PDS5A: variants seen among roughly 807,000 people sequenced by gnomAD.
PDS5A encodes PDS5 cohesin associated factor A, also known as sister chromatid cohesion protein PDS5 homolog A.
In PDS5A, 42 loss-of-function variants were observed where a neutral mutation model predicts 167.1. The observed-to-expected ratio is 0.25, with a 90% CI of 0.20 to 0.33. PDS5A has a LOEUF of 0.33. Among genes scored for constraint, PDS5A ranks in the 10% least tolerant of loss-of-function variants. The pLI is 1.00. For synonymous variants in PDS5A, 553 were observed against 554.6 expected (o/e 1.00, Z 0.04); for missense variants, 1,033 against 1,605.9 (o/e 0.64, Z 6.10).
At chr4:39,879,324 T>TTTC (rs1720745060) in intron 18 of PDS5A, among the ~76,000 whole-genome samples, 1 of 152,068 alleles carries the variant, frequency 6.6e-6, no homozygotes, top group Non-Finnish European at 1.5e-5. Flanking sequence ...GCACCCCTTT[T>TTTC]TTCTAGTCAT....
At chr4:39,853,174 CAAAT>C (rs1475289015) in intron 26 of PDS5A, among the ~76,000 whole-genome samples, 1 of 152,152 alleles carries the variant, frequency 6.6e-6, no homozygotes, top group Non-Finnish European at 1.5e-5. Context: ...ATCCTGGACT[CAAAT>C]AATCCTCTTG....
intron 2 of PDS5A, among the ~76,000 whole-genome samples, chr4:39,949,427 A>T (rs752361051): frequency 2.6e-5 from 4 of 152,134 alleles, no homozygotes; most frequent in South Asian, 2.1e-4. Context: ...AGATCGGGGA[A>T]ATGTACATAG....
At chr4:39,910,396 C>A in intron 9 of PDS5A, 58 bp from the exon 10 acceptor site, 1 of 841,836 alleles carries the variant, frequency 1.2e-6, no homozygotes, top group Non-Finnish European at 2.0e-6. Context: ...ACTCTCAAAT[C>A]AGGTATATCT....
intron 2 of PDS5A, among the ~76,000 whole-genome samples, chr4:39,953,426 T>G (rs1728606584): frequency 6.6e-6 from 1 of 151,856 alleles, no homozygotes; most frequent in Non-Finnish European, 1.5e-5. Flanking sequence ...GAATCAGTTT[T>G]TTTTTTTTTT....
chr4:39,930,246 A>AAAAATTT, intron 2 of PDS5A, among the ~76,000 whole-genome samples: 2 of 93,088 alleles, frequency 2.1e-5, no homozygotes, highest in Non-Finnish European at 4.5e-5. Flanking sequence ...AAAAAAAAAA[A>AAAAATTT]GTTTTTTTGT....
chr4:39,907,945 A>G (rs536006383), intron 11 of PDS5A, among the ~76,000 whole-genome samples: 1 of 152,284 alleles, frequency 6.6e-6, no homozygotes, highest in African/African-American at 2.4e-5. Context: ...TAAACATATA[A>G]CCATCATTAT....
At chr4:39,866,817 A>G (rs1345690491) in intron 23 of PDS5A, 44 bp downstream of exon 23, 1 of 1,575,380 alleles carries the variant, frequency 6.3e-7, no homozygotes. Flanking sequence ...AAATTCCACC[A>G]AAATTTCAGC....
At chr4:39,945,062 A>G (rs75437685) in intron 2 of PDS5A, among the ~76,000 whole-genome samples, 11,750 of 152,246 alleles carry the variant, frequency 0.077, 514 homozygotes, top group Middle Eastern at 0.18. Context: ...TGAATACACT[A>G]TTAACTTATG....
At chr4:39,927,829 T>C in intron 3 of PDS5A, 132 bp downstream of exon 3, 2 of 660,810 alleles carry the variant, frequency 3.0e-6, no homozygotes, top group South Asian at 2.1e-5. Flanking sequence ...ATTTTGCAAC[T>C]TACAATATAT....
chr4:39,854,891 T>C (rs1423323028), intron 26 of PDS5A, among the ~76,000 whole-genome samples: 19 of 152,132 alleles, frequency 1.2e-4, no homozygotes, highest in Admixed American at 1.2e-3. Flanking sequence ...TTTTAGGGGG[T>C]ATAATTACGA....
At chr4:39,847,874 G>A (rs1176887808) in intron 28 of PDS5A, 2 of 152,174 alleles carry the variant, frequency 1.3e-5, no homozygotes, top group Admixed American at 6.5e-5. Flanking sequence ...ATGGGTCTGC[G>A]GCCTGTTAGG....
intron 18 of PDS5A, among the ~76,000 whole-genome samples, chr4:39,877,974 T>C (rs1010537984): frequency 7.2e-5 from 11 of 152,214 alleles, no homozygotes; most frequent in African/African-American, 2.7e-4. Context: ...TTAATTATGA[T>C]TACAATATAT....
chr4:39,929,569 C>T, intron 2 of PDS5A, among the ~76,000 whole-genome samples: 1 of 103,628 alleles, frequency 9.6e-6, no homozygotes, highest in Admixed American at 1.0e-4. Flanking sequence ...CATTAATATC[C>T]TACATACATA....
chr4:39,834,291 T>G (rs1716191167), intron 32 of PDS5A, among the ~76,000 whole-genome samples: 1 of 152,112 alleles, frequency 6.6e-6, no homozygotes, highest in Non-Finnish European at 1.5e-5. Context: ...TTTTTTGGGA[T>G]GCTCAAGGCA....
chr4:39,958,416 A>G (rs908902566), intron 2 of PDS5A, among the ~76,000 whole-genome samples: 1 of 150,202 alleles, frequency 6.7e-6, no homozygotes, highest in Non-Finnish European at 1.5e-5. Flanking sequence ...CTGAGCCAGG[A>G]GAATCGCTTG....
At chr4:39,894,261 A>C (rs191565801) in intron 16 of PDS5A, among the ~76,000 whole-genome samples, 1 of 152,178 alleles carries the variant, frequency 6.6e-6, no homozygotes, top group Admixed American at 6.5e-5. Context: ...TACAAAAATT[A>C]GTCAGGCATG....
chr4:39,865,540 A>G (rs985380825), intron 23 of PDS5A, among the ~76,000 whole-genome samples: 11 of 152,244 alleles, frequency 7.2e-5, no homozygotes, highest in African/African-American at 2.7e-4. Flanking sequence ...AAAAAAATTA[A>G]TAGCATAGCA....
intron 2 of PDS5A, among the ~76,000 whole-genome samples, chr4:39,970,008 G>T (rs1730350692): frequency 6.6e-6 from 1 of 150,792 alleles, no homozygotes; most frequent in South Asian, 2.1e-4. Context: ...GCCCAGGCTG[G>T]AATGCAGTGA....
intron 14 of PDS5A, among the ~76,000 whole-genome samples, chr4:39,899,465 T>C (rs1722693225): frequency 6.6e-6 from 1 of 152,230 alleles, no homozygotes; most frequent in African/African-American, 2.4e-5. Context: ...TTATCGTGTA[T>C]GACTAATTTT....
Sources: gnomAD v4.1 joint callset for allele counts (sites outside exome capture counted in the v4.1 genomes callset) on GRCh38, gnomAD v4.1.1 for gene constraint, MANE v1.5 for transcripts, NCBI Gene and HGNC (gene_info 2026-07-23, HGNC 2026-07-21) for gene names.